Variants in NR3C2 observed in about 807,000 individuals in gnomAD.
NR3C2 encodes mineralocorticoid receptor.
NR3C2 carries 15 observed loss-of-function variants against 86.4 expected under a neutral mutation model. The observed-to-expected ratio is 0.17, with a 90% CI of 0.12 to 0.27. The LOEUF is 0.27. NR3C2 is among the 10% of genes least tolerant of loss of function. The probability of loss-of-function intolerance (pLI) is 1.00; values close to 1 mark genes in which losing one functional copy is unlikely to be tolerated. For synonymous variants in NR3C2, 458 were observed against 450.5 expected (o/e 1.02, Z -0.21); for missense variants, 960 against 1,195.6 (o/e 0.80, Z 2.91).
At chr4:148,365,699 C>T (rs914709444) in intron 2 of NR3C2, among the ~76,000 whole-genome samples, 3 of 152,084 alleles carry the variant, frequency 2.0e-5, no homozygotes, top group Non-Finnish European at 4.4e-5. Flanking sequence ...GAGATCTCTA[C>T]AACCATGTGA....
intron 2 of NR3C2, among the ~76,000 whole-genome samples, chr4:148,344,160 T>C (rs1381913488): frequency 2.0e-5 from 3 of 152,136 alleles, no homozygotes; most frequent in Admixed American, 1.3e-4. Flanking sequence ...CTACCCACTT[T>C]CTCTCTAAAA....
intron 3 of NR3C2, among the ~76,000 whole-genome samples, chr4:148,211,621 TAAAG>T (rs1282855476): frequency 1.3e-5 from 2 of 152,184 alleles, no homozygotes; most frequent in Non-Finnish European, 2.9e-5. Context: ...GGAAGAATAT[TAAAG>T]AAAGAGGGAG....
chr4:148,233,626 C>A lies in NR3C2; in HGVS notation c.1897+26352G>T, dbSNP rs143967433. Among the ~76,000 whole-genome samples the A allele has an allele frequency of 7.9e-3, 1,195 of 152,214 alleles. 13 individuals carry two copies. Among genetic ancestry groups the A allele is most frequent in the African/African-American group, 0.027 (1,107 of 41,512 alleles). On this transcript the variant is annotated intron_variant, in intron 3 of 8. Coordinates refer to ENST00000358102, the MANE Select transcript of NR3C2 (RefSeq NM_000901.5). ...CCTCCCACCTCAGCCTCCCAAAGAG[C>A]TCAACTCAATTGGGCTAATTTCAAT...
intron 4 of NR3C2, among the ~76,000 whole-genome samples, chr4:148,167,965 G>T (rs990788177): frequency 2.6e-5 from 4 of 152,168 alleles, no homozygotes; most frequent in Non-Finnish European, 5.9e-5. Context: ...GTGGCCAGGG[G>T]GACCTAATGC....
intron 3 of NR3C2, among the ~76,000 whole-genome samples, chr4:148,203,175 G>A (rs376573864): frequency 1.0e-3 from 152 of 151,988 alleles, no homozygotes; most frequent in African/African-American, 3.4e-3. Flanking sequence ...TAAATCTGAG[G>A]GTTTGGTTGT....
intron 4 of NR3C2, among the ~76,000 whole-genome samples, chr4:148,160,841 A>C (rs17483687): frequency 0.047 from 7,100 of 152,188 alleles, 223 homozygotes; most frequent in Middle Eastern, 0.1. Flanking sequence ...ACCCTCATAC[A>C]TGGGGCACGA....
chr4:148,292,144 T>G (rs1179550909), intron 2 of NR3C2, among the ~76,000 whole-genome samples: 1 of 152,048 alleles, frequency 6.6e-6, no homozygotes, highest in Admixed American at 6.6e-5. Context: ...TCTTCAAAAA[T>G]ACTTTCCTAT....
chr4:148,234,208 C>T (rs1738618241), intron 3 of NR3C2, among the ~76,000 whole-genome samples: 1 of 152,152 alleles, frequency 6.6e-6, no homozygotes, highest in Non-Finnish European at 1.5e-5. Flanking sequence ...TACACTGTAA[C>T]AATATGTTCA....
At chr4:148,291,975 G>A (rs1211878502) in intron 2 of NR3C2, among the ~76,000 whole-genome samples, 3 of 152,044 alleles carry the variant, frequency 2.0e-5, no homozygotes, top group Admixed American at 6.5e-5. Flanking sequence ...GTAATTTACC[G>A]AATATTGTAC....
intron 2 of NR3C2, among the ~76,000 whole-genome samples, chr4:148,296,196 T>A (rs868733130): frequency 3.4e-4 from 51 of 152,144 alleles, no homozygotes; most frequent in Non-Finnish European, 3.1e-4. Context: ...TCTATCATTT[T>A]AAAAGATTAT....
intron 3 of NR3C2, among the ~76,000 whole-genome samples, chr4:148,214,805 C>T (rs1484566788): frequency 2.0e-5 from 3 of 152,150 alleles, no homozygotes; most frequent in Non-Finnish European, 4.4e-5. Flanking sequence ...AGAGGCTGGA[C>T]GTCGAGAGTT....
intron 8 of NR3C2, among the ~76,000 whole-genome samples, chr4:148,094,320 C>T (rs1731185522): frequency 6.6e-6 from 1 of 152,132 alleles, no homozygotes; most frequent in South Asian, 2.1e-4. Context: ...TATGACAGTT[C>T]CTAAAGAGAT....
rs997664431 is a variant in NR3C2, at chr4:148,416,067, A to G, written c.1757+19037T>C. Among the ~76,000 whole-genome samples the G allele has an allele frequency of 8.5e-5, 13 of 152,266 alleles. No homozygotes were observed. The South Asian group carries it at 2.5e-3, about 29-fold the overall frequency. On this transcript the variant is annotated intron_variant, in intron 2 of 8. Coordinates refer to ENST00000358102, the MANE Select transcript of NR3C2 (RefSeq NM_000901.5). ...ATATTAAATATAAAAAATAAATTGT[A>G]ATGATTTCCTATAAATTTTCTTCAT...
intron 2 of NR3C2, among the ~76,000 whole-genome samples, chr4:148,390,650 T>C (rs1747498340): frequency 6.6e-6 from 1 of 152,192 alleles, no homozygotes. Flanking sequence ...ACTGTATACA[T>C]CAGCTTACTA....
chr4:148,252,975 G>A (rs1465356491), intron 3 of NR3C2, among the ~76,000 whole-genome samples: 2 of 152,166 alleles, frequency 1.3e-5, no homozygotes, highest in African/African-American at 4.8e-5. Flanking sequence ...TTTCAAATTT[G>A]CCATGTGAAG....
intron 4 of NR3C2, among the ~76,000 whole-genome samples, chr4:148,167,990 G>A (rs1412904592): frequency 1.3e-5 from 2 of 152,190 alleles, no homozygotes; most frequent in African/African-American, 4.8e-5. Flanking sequence ...TTCTCTGGCT[G>A]GGCAGCAAAC....
chr4:148,305,272 A>G (rs1057153775), intron 2 of NR3C2, among the ~76,000 whole-genome samples: 1 of 152,144 alleles, frequency 6.6e-6, no homozygotes, highest in Admixed American at 6.5e-5. Flanking sequence ...TGGGTCCAGG[A>G]AGAAATAAAT....
At chr4:148,185,091 T>A (rs1735830655) in intron 4 of NR3C2, among the ~76,000 whole-genome samples, 1 of 152,222 alleles carries the variant, frequency 6.6e-6, no homozygotes, top group Non-Finnish European at 1.5e-5. Flanking sequence ...CACTGCCAAC[T>A]AACACACACT....
At chr4:148,217,445 C>A (rs898079809) in intron 3 of NR3C2, among the ~76,000 whole-genome samples, 2 of 152,200 alleles carry the variant, frequency 1.3e-5, no homozygotes, top group African/African-American at 4.8e-5. Flanking sequence ...CCAGTCATAC[C>A]TTCCTGAACT....
Sources: allele counts gnomAD v4.1 joint callset (sites outside exome capture counted in the v4.1 genomes callset), GRCh38; gene constraint gnomAD v4.1.1; transcripts MANE v1.5; gene names NCBI Gene and HGNC (gene_info 2026-07-23, HGNC 2026-07-21).